Variants in TBC1D15 observed in about 807,000 individuals in gnomAD.
TBC1D15 encodes GAP for RAB7.
In TBC1D15, 39 loss-of-function variants were observed where a neutral mutation model predicts 95.4. That is an observed-to-expected ratio of 0.41 (90% CI 0.32 to 0.53). The LOEUF (loss-of-function observed/expected upper bound fraction) is 0.53. TBC1D15 is among the 20% of genes least tolerant of loss of function. The pLI is 0.29. For synonymous variants in TBC1D15, 258 were observed against 261.3 expected (o/e 0.99, Z 0.12); for missense variants, 733 against 794.3 (o/e 0.92, Z 0.93).
chr12:71,848,268 T>C (rs887189765), intron 1 of TBC1D15, among the ~76,000 whole-genome samples: 14 of 152,210 alleles, frequency 9.2e-5, no homozygotes, highest in African/African-American at 3.4e-4. Flanking sequence ...CACTGCCAAA[T>C]TGTTTTCCAA....
intron 10 of TBC1D15, among the ~76,000 whole-genome samples, chr12:71,899,016 T>C (rs1414255787): frequency 6.6e-6 from 1 of 152,192 alleles, no homozygotes; most frequent in Admixed American, 6.5e-5. Flanking sequence ...CTTCTTGATA[T>C]TTTCAGTTTC....
intron 1 of TBC1D15, among the ~76,000 whole-genome samples, chr12:71,858,967 G>A (rs1889767776): frequency 6.7e-6 from 1 of 148,646 alleles, no homozygotes; most frequent in South Asian, 2.1e-4. Context: ...ATCCTCACCA[G>A]CATTTTTTTT....
intron 3 of TBC1D15, among the ~76,000 whole-genome samples, chr12:71,877,813 A>G (rs1894287146): frequency 6.6e-6 from 1 of 151,992 alleles, no homozygotes; most frequent in Non-Finnish European, 1.5e-5. Context: ...TATGTAGTCC[A>G]TTTCCCTCTA....
intron 6 of TBC1D15, 35 bp downstream of exon 6, chr12:71,893,359 C>T: frequency 6.7e-7 from 1 of 1,493,236 alleles, no homozygotes; most frequent in Non-Finnish European, 9.2e-7. Context: ...ATTATTCTGA[C>T]TGCATTATTT....
Position 71,921,404 on chromosome 12 carries a change from G to A in TBC1D15, c.1753G>A (p.Asp585Asn), listed in dbSNP as rs757542491. The part of the protein sequence containing the change: ...NELSMKIDVE[D>N]ILCKAEAISL... ...ATTGTCCATGAAAATTGATGTGGAAGATATACTCTGCAAGGCAGAAGCAAT... is the reference window on the plus strand; with the variant it reads ...ATTGTCCATGAAAATTGATGTGGAAAATATACTCTGCAAGGCAGAAGCAAT... Residue 585 changes from aspartate (D) to asparagine (N), a missense_variant, in exon 16 of 17, where the codon GAT (aspartate) becomes AAT (asparagine). Asp to Asn is a conservative substitution (Grantham distance 23). Coordinates refer to ENST00000485960, the MANE Select transcript of TBC1D15 (RefSeq NM_001146213.3). 1.3e-6 allele frequency: 2 copies of A among 1,567,736 alleles called. No homozygotes were observed. The highest frequency in any genetic ancestry group is 2.3e-5 in the East Asian group (1 of 43,832).
chr12:71,866,075 C>T (rs998530179), intron 1 of TBC1D15, among the ~76,000 whole-genome samples: 6 of 152,036 alleles, frequency 3.9e-5, no homozygotes, highest in Non-Finnish European at 8.8e-5. Context: ...GGCAAGTGTA[C>T]GTGGACTGAC....
chr12:71,874,522 C>A (rs1893362670), intron 3 of TBC1D15, among the ~76,000 whole-genome samples: 1 of 151,976 alleles, frequency 6.6e-6, no homozygotes, highest in Admixed American at 6.6e-5. Flanking sequence ...AGGTTTGAAT[C>A]CACAGATACA....
intron 1 of TBC1D15, among the ~76,000 whole-genome samples, chr12:71,853,358 T>C (rs1416158161): frequency 6.6e-6 from 1 of 152,030 alleles, no homozygotes; most frequent in Non-Finnish European, 1.5e-5. Flanking sequence ...CCTCCAACAT[T>C]GGGGATTACA....
intron 1 of TBC1D15, among the ~76,000 whole-genome samples, chr12:71,853,458 G>GCCTC (rs1888326414): frequency 6.6e-6 from 1 of 152,180 alleles, no homozygotes; most frequent in South Asian, 2.1e-4. Flanking sequence ...ACTGCACCTG[G>GCCTC]CCGAGTTGTG....
At chr12:71,895,026 G>C in intron 7 of TBC1D15, 143 bp downstream of exon 7, 1 of 668,928 alleles carries the variant, frequency 1.5e-6, no homozygotes, top group Non-Finnish European at 2.5e-6. Flanking sequence ...CTGACAATGA[G>C]TGCTTGTCCT....
chr12:71,894,245 T>G, intron 6 of TBC1D15: 1 of 1,170,196 alleles, frequency 8.5e-7, no homozygotes. Flanking sequence ...AAATATGAGT[T>G]TTTAAATTTA....
chr12:71,860,210 T>C (rs11615013), intron 1 of TBC1D15, among the ~76,000 whole-genome samples: 13,179 of 152,254 alleles, frequency 0.087, 649 homozygotes, highest in South Asian at 0.15. Flanking sequence ...TTTGTTCTTT[T>C]TGTTCAGGAT....
At chr12:71,878,800 AGCTACT>A (rs1444696083) in intron 3 of TBC1D15, among the ~76,000 whole-genome samples, 2 of 151,332 alleles carry the variant, frequency 1.3e-5, no homozygotes, top group Admixed American at 1.3e-4. Context: ...TACAGGCATG[AGCTACT>A]GCACCTGGCC....
intron 3 of TBC1D15, among the ~76,000 whole-genome samples, chr12:71,875,990 G>A (rs532663919): frequency 1.3e-5 from 2 of 151,916 alleles, no homozygotes; most frequent in African/African-American, 4.8e-5. Flanking sequence ...TAGGAGAGAC[G>A]GGGTTTCACC....
chr12:71,850,694 A>G (rs1427723285), intron 1 of TBC1D15, among the ~76,000 whole-genome samples: 2 of 152,148 alleles, frequency 1.3e-5, no homozygotes, highest in Non-Finnish European at 2.9e-5. Context: ...CATTGCTATA[A>G]AGAAATAGCT....
intron 1 of TBC1D15, among the ~76,000 whole-genome samples, chr12:71,869,080 G>T (rs1249397232): frequency 6.6e-6 from 1 of 152,120 alleles, no homozygotes; most frequent in Non-Finnish European, 1.5e-5. Flanking sequence ...GAACATATTT[G>T]TCATCTCACA....
chr12:71,875,794 T>TTTTA (rs141274109), intron 3 of TBC1D15, among the ~76,000 whole-genome samples: 3 of 151,844 alleles, frequency 2.0e-5, no homozygotes, highest in Non-Finnish European at 2.9e-5. Flanking sequence ...AAGATTTTAT[T>TTTTA]TTTATTTATT....
chr12:71,849,518 T>C (rs1887217129), intron 1 of TBC1D15: 4 of 749,602 alleles, frequency 5.3e-6, no homozygotes, highest in Non-Finnish European at 9.9e-6. Context: ...AGAAGGTTCT[T>C]ATGGTCAGCT....
intron 10 of TBC1D15, among the ~76,000 whole-genome samples, chr12:71,905,603 G>C (rs1313713427): frequency 6.6e-6 from 1 of 152,110 alleles, no homozygotes; most frequent in Non-Finnish European, 1.5e-5. Flanking sequence ...TGGGATTATA[G>C]GCATGAGCCA....
Sources: allele counts gnomAD v4.1 joint callset (sites outside exome capture counted in the v4.1 genomes callset), GRCh38; gene constraint gnomAD v4.1.1; transcripts MANE v1.5; gene names NCBI Gene and HGNC (gene_info 2026-07-23, HGNC 2026-07-21).